Variants in SAMD8 observed in about 807,000 individuals in gnomAD.
SAMD8 encodes sterile alpha motif domain containing 8.
In SAMD8, 20 loss-of-function variants were observed where a neutral mutation model predicts 42.0. The ratio of observed to expected loss-of-function variants is 0.48; its 90% CI spans 0.34 to 0.69. The LOEUF (loss-of-function observed/expected upper bound fraction) is 0.69, where lower values mean the gene tolerates loss of function less well. SAMD8 is among the 30% of genes least tolerant of loss of function. SAMD8 has a pLI of 0.01. For synonymous variants in SAMD8, 162 were observed against 173.0 expected (o/e 0.94, Z 0.50); for missense variants, 328 against 511.6 (o/e 0.64, Z 3.46).
In SAMD8 at chr10:75,143,557, G is replaced by GT. The variant is rs556018046; in HGVS notation, c.-15-6947dup. Among the ~76,000 whole-genome samples the GT allele has an allele frequency of 5.7e-3, 838 of 147,868 alleles. 5 individuals carry two copies. Among genetic ancestry groups the GT allele is most frequent in the Middle Eastern group, 0.024 (7 of 286 alleles). ...ACTGGGCCTACGGTTTTAGGTTGTT[G>GT]TTTTTTTTTTCTTTCAGTACTTTAT... On this transcript the variant is annotated intron_variant, in intron 1 of 5. Transcript: ENST00000542569.
At chr10:75,109,031 G>A, upstream of SAMD8, 1 of 1,610,326 alleles carries the variant, frequency 6.2e-7, no homozygotes, top group South Asian at 1.1e-5. Context: ...AAAAGGTTGG[G>A]CCAAACTTCG....
chr10:75,133,748 T>G (rs970871411), intron 1 of SAMD8, among the ~76,000 whole-genome samples: 7 of 152,194 alleles, frequency 4.6e-5, no homozygotes, highest in Non-Finnish European at 7.3e-5. Flanking sequence ...ATATATGGAA[T>G]CTAAAAACAA....
intron 1 of SAMD8, among the ~76,000 whole-genome samples, chr10:75,137,663 A>AT (rs994291409): frequency 6.8e-4 from 103 of 152,338 alleles, no homozygotes; most frequent in African/African-American, 2.4e-3. Context: ...AATATCTAGA[A>AT]TAGGGAAATT....
chr10:75,160,653 C>A (rs1269887722), intron 2 of SAMD8, among the ~76,000 whole-genome samples: 1 of 152,132 alleles, frequency 6.6e-6, no homozygotes, highest in Non-Finnish European at 1.5e-5. Context: ...AGTGAAGAAA[C>A]TGTATAATCC....
intron 2 of SAMD8, among the ~76,000 whole-genome samples, chr10:75,157,049 C>G (rs143358088): frequency 6.6e-6 from 1 of 151,246 alleles, no homozygotes; most frequent in Non-Finnish European, 1.5e-5. Flanking sequence ...TTCACCTCCC[C>G]GAAAAGAGTA....
In SAMD8 at chr10:75,164,266, T is replaced by G. The variant is rs1840624340; in HGVS notation, c.579-379T>G. ...CAAAGCATCAAGTTCAAACCCTGAT[T>G]GTTTGCACTCTGAAAAGAGCACTTC... On this transcript the variant is annotated intron_variant, in intron 2 of 5. Transcript: ENST00000542569. 2.6e-5 allele frequency among the ~76,000 whole-genome samples: 4 copies of G among 152,190 alleles called. No homozygotes were observed. The South Asian group carries it at 6.2e-4, about 24-fold the overall frequency.
At chr10:75,153,568 C>T (rs951857093) in intron 2 of SAMD8, among the ~76,000 whole-genome samples, 4 of 150,410 alleles carry the variant, frequency 2.7e-5, no homozygotes, top group African/African-American at 7.3e-5. Context: ...GAGCCGAGAT[C>T]GCGCCATCGC....
intron 1 of SAMD8, among the ~76,000 whole-genome samples, chr10:75,138,109 T>G (rs1435144340): frequency 6.6e-6 from 1 of 152,154 alleles, no homozygotes; most frequent in African/African-American, 2.4e-5. Context: ...CATGAGCATC[T>G]CATGAGCATC....
chr10:75,178,286 A>G lies in SAMD8; in HGVS notation c.*1594A>G, dbSNP rs1841024262. 1 of 152,220 alleles carries G rather than the reference A, an allele frequency of 6.6e-6. No homozygotes were observed. The highest frequency in any genetic ancestry group is 2.1e-4 in the South Asian group (1 of 4,834). 9.4% of individuals were successfully genotyped at this position (152,220 alleles called of 1,614,324 possible). ...TCTCACTTGAGAAATGCTGCAAGGCAATTCAACTTTTATGCTTTTAAATCT... is the reference window on the plus strand; with the variant it reads ...TCTCACTTGAGAAATGCTGCAAGGCGATTCAACTTTTATGCTTTTAAATCT... On this transcript the variant is annotated 3_prime_UTR_variant, in exon 6 of 6. Coordinates refer to ENST00000542569, the MANE Select transcript of SAMD8 (RefSeq NM_001174156.2).
At chr10:75,156,700 A>G (rs918214166) in intron 2 of SAMD8, among the ~76,000 whole-genome samples, 2 of 152,150 alleles carry the variant, frequency 1.3e-5, no homozygotes, top group Non-Finnish European at 2.9e-5. Flanking sequence ...AATCCAGAAC[A>G]TGGAACATTC....
chr10:75,172,306 G>C (rs1840886711), intron 4 of SAMD8, among the ~76,000 whole-genome samples: 1 of 152,096 alleles, frequency 6.6e-6, no homozygotes, highest in Admixed American at 6.5e-5. Context: ...TAGTATTCTA[G>C]TTGATTAGGG....
chr10:75,109,631 T>A (rs1027618942), upstream of SAMD8, among the ~76,000 whole-genome samples: 3 of 151,790 alleles, frequency 2.0e-5, no homozygotes, highest in Non-Finnish European at 2.9e-5. Context: ...CTGAAAGAAG[T>A]GTACAGTCTA....
At chr10:75,137,537 CT>C (rs1383917373) in intron 1 of SAMD8, among the ~76,000 whole-genome samples, 2 of 146,148 alleles carry the variant, frequency 1.4e-5, no homozygotes, top group Non-Finnish European at 3.0e-5. Flanking sequence ...GAGACTCCGT[CT>C]CAAAAAAAAA....
Position 75,150,789 on chromosome 10 carries a change from C to G in SAMD8, c.261C>G (p.Gly87=). Residue 87 remains glycine (G), a synonymous_variant, in exon 2 of 6, where the codon GGC becomes GGG. Coordinates refer to ENST00000542569, the MANE Select transcript of SAMD8 (RefSeq NM_001174156.2). ...ATATTGATGTTTTAGAAGAGATGGG[C>G]TACAACAGTGACAGTCCCATGGGTT... ...KIHIDVLEEM[G]YNSDSPMGSM... 2 of 1,614,130 alleles carry G rather than the reference C, an allele frequency of 1.2e-6. No individual in the cohort carries two copies. Among genetic ancestry groups the G allele is most frequent in the East Asian group, 4.5e-5 (2 of 44,884 alleles).
At chr10:75,168,930 TG>T (rs1453090971) in intron 4 of SAMD8, among the ~76,000 whole-genome samples, 1 of 151,880 alleles carries the variant, frequency 6.6e-6, no homozygotes, top group East Asian at 1.9e-4. Context: ...CCCAGCACTT[TG>T]GGAGGCCGAG....
chr10:75,115,742 C>T lies in SAMD8; in HGVS notation c.-16+4020C>T, dbSNP rs562182903. Among the ~76,000 whole-genome samples, 15 of 152,142 alleles carry T rather than the reference C, an allele frequency of 9.9e-5. 2 individuals carry two copies. The South Asian group carries it at 3.1e-3, about 32-fold the overall frequency. On this transcript the variant is annotated intron_variant, in intron 1 of 5. Transcript: ENST00000542569. ...GATCACGAGGCCAGGAGATCGAGACCATCCTGGCGAACACGGTGAAACCCC... is the reference window on the plus strand; with the variant it reads ...GATCACGAGGCCAGGAGATCGAGACTATCCTGGCGAACACGGTGAAACCCC...
rs770297177 is a variant in SAMD8 at position 75,150,874 on chromosome 10, TC to T, written c.349del (p.His117MetfsTer7). 6.2e-7 allele frequency: 1 copy of T among 1,613,266 alleles called. No homozygotes were observed. Among genetic ancestry groups the T allele is most frequent in the Admixed American group, 1.7e-5 (1 of 59,916 alleles). On this transcript the variant is annotated frameshift_variant, in exon 2 of 6. Transcript: ENST00000542569. LOFTEE classifies it high-confidence loss of function. ...STDWLCNGELSHDCDGPITDL... is the reference protein window; with the variant it reads ...STDWLCNGELXHDCDGPITDL... ...AGACTGGCTCTGTAATGGGGAGCTTTCCCATGACTGTGACGGACCCATAACT... is the reference window on the plus strand; with the variant it reads ...AGACTGGCTCTGTAATGGGGAGCTTTCCATGACTGTGACGGACCCATAACT...
At chr10:75,175,171 G>C (rs1840962873) in intron 4 of SAMD8, among the ~76,000 whole-genome samples, 1 of 152,170 alleles carries the variant, frequency 6.6e-6, no homozygotes, top group Non-Finnish European at 1.5e-5. Flanking sequence ...ACCTTGATAA[G>C]TAGCCTTCCC....
chr10:75,111,521 C>T (rs576154544), upstream of SAMD8: 1,755 of 1,230,422 alleles, frequency 1.4e-3, 26 homozygotes, highest in African/African-American at 0.024. Flanking sequence ...GAGCAGCTGC[C>T]GGCGCGGCGG....
Sources: allele counts gnomAD v4.1 joint callset (sites outside exome capture counted in the v4.1 genomes callset), GRCh38; gene constraint gnomAD v4.1.1; transcripts MANE v1.5; gene names NCBI Gene and HGNC (gene_info 2026-07-23, HGNC 2026-07-21).